The following WDFY4 variants were observed in gnomAD, a reference collection of about 807,000 sequenced individuals.
WDFY4 encodes WDFY family member 4, also known as WD repeat- and FYVE domain-containing protein 4.
A neutral mutation model predicts 351.9 loss-of-function variants in WDFY4; 169 were observed. That is an observed-to-expected ratio of 0.48 (90% CI 0.42 to 0.55). The LOEUF is 0.55. Ranked by LOEUF, WDFY4 falls within the 20% of genes least tolerant of loss-of-function variation. The pLI is 0.00. For synonymous variants in WDFY4, 1,622 were observed against 1,574.6 expected (o/e 1.03, Z -0.71); for missense variants, 3,803 against 3,935.6 (o/e 0.97, Z 0.90).
rs1442774982 is a variant in WDFY4, at chr10:48,733,973, A to AAC, written c.1626_1627dup (p.Leu543HisfsTer5). On this transcript the variant is annotated frameshift_variant, in exon 10 of 62. Coordinates refer to ENST00000325239, the MANE Select transcript of WDFY4 (RefSeq NM_001394531.1). LOFTEE classifies it high-confidence loss of function. ...CCTGGTGTTCAGGATCCAGAAAGAGAACTCACCTGTGTGATGCTGAGGATT... is the reference window on the plus strand; with the variant it reads ...CCTGGTGTTCAGGATCCAGAAAGAGAACACTCACCTGTGTGATGCTGAGGATT... 6.4e-7 allele frequency: 1 copy of AAC among 1,551,820 alleles called. No homozygotes were observed. The highest frequency in any genetic ancestry group is 2.4e-5 in the East Asian group (1 of 40,924).
chr10:48,702,978 C>T (rs1034708640), intron 1 of WDFY4, among the ~76,000 whole-genome samples: 4 of 152,112 alleles, frequency 2.6e-5, no homozygotes, highest in Non-Finnish European at 4.4e-5. Context: ...ATGCTGTTGT[C>T]CGTACTCAGT....
chr10:48,690,897 G>A (rs1265019405), intron 1 of WDFY4, among the ~76,000 whole-genome samples: 1 of 152,198 alleles, frequency 6.6e-6, no homozygotes. Context: ...ACTCTGGTTT[G>A]TGGGTCTGGT....
chr10:48,962,615 G>A (rs1841911282), intron 53 of WDFY4, among the ~76,000 whole-genome samples: 1 of 152,176 alleles, frequency 6.6e-6, no homozygotes, highest in Non-Finnish European at 1.5e-5. Context: ...TGGGCTCTAT[G>A]CATGAAAGAT....
chr10:48,882,135 C>T (rs566341679), intron 43 of WDFY4, among the ~76,000 whole-genome samples: 41 of 152,280 alleles, frequency 2.7e-4, no homozygotes, highest in African/African-American at 9.9e-4. Flanking sequence ...GCAGCCAGGC[C>T]TGGGTCTGCT....
Position 48,729,573 on chromosome 10 carries a change from CCATCATGAGGCATCTGG to C in WDFY4, c.1114_1129+1del. 6.4e-7 allele frequency: 1 copy of C among 1,551,680 alleles called. No homozygotes were observed. Among genetic ancestry groups the C allele is most frequent in the East Asian group, 2.4e-5 (1 of 40,930 alleles). ...ACCCTCAGCTTGAAGGCTTCAAGTT[CCATCATGAGGCATCTGG>C]TGAGTCTTTCCTGTGTCTGGGTGAC... On this transcript the variant is annotated splice_donor_variant and coding_sequence_variant, in exon 8 of 62. Coordinates refer to ENST00000325239, the MANE Select transcript of WDFY4 (RefSeq NM_001394531.1). LOFTEE classifies it high-confidence loss of function.
chr10:48,838,521 A>G lies in WDFY4; in HGVS notation c.6663+5812A>G, dbSNP rs1470420080. ...GCTGAGGTCCTCGGTGAGGGAAATG[A>G]TGTTTTTGACTATCCCCTCTGAGCA... is the stretch of plus-strand genomic sequence containing the variant. On this transcript the variant is annotated intron_variant, in intron 39 of 61. Coordinates refer to ENST00000325239, the MANE Select transcript of WDFY4 (RefSeq NM_001394531.1). 3.9e-5 allele frequency among the ~76,000 whole-genome samples: 6 copies of G among 152,118 alleles called. No homozygotes were observed. The South Asian group carries it at 1.2e-3, about 32-fold the overall frequency.
chr10:48,745,133 T>C (rs1033391435), intron 12 of WDFY4, among the ~76,000 whole-genome samples: 1 of 152,254 alleles, frequency 6.6e-6, no homozygotes, highest in Non-Finnish European at 1.5e-5. Context: ...GTAAGTTTTA[T>C]TTTCAGTATC....
chr10:48,722,715 C>T (rs76519098), intron 4 of WDFY4, among the ~76,000 whole-genome samples: 3,232 of 152,286 alleles, frequency 0.021, 76 homozygotes, highest in African/African-American at 0.057. Flanking sequence ...CACACACGTG[C>T]GTGCGCACAC....
intron 43 of WDFY4, among the ~76,000 whole-genome samples, chr10:48,890,207 T>C (rs1460251302): frequency 3.3e-5 from 5 of 152,254 alleles, no homozygotes; most frequent in Non-Finnish European, 7.3e-5. Flanking sequence ...CCTCTGTAAC[T>C]GAGCGATGTC....
At chr10:48,969,286 C>T in intron 56 of WDFY4, 38 bp downstream of exon 56, 1 of 1,543,454 alleles carries the variant, frequency 6.5e-7, no homozygotes, top group Non-Finnish European at 8.7e-7. Context: ...GCCTCAGGAC[C>T]TCAGCCTTCC....
intron 14 of WDFY4, 27 bp from the exon 15 acceptor site, chr10:48,775,685 T>G: frequency 5.2e-6 from 8 of 1,543,552 alleles, no homozygotes; most frequent in Non-Finnish European, 7.0e-6. Context: ...AATGTCTTCA[T>G]TTTTTCCTCT....
chr10:48,787,889 TTCTCCTTCTTC>T lies in WDFY4; in HGVS notation c.3809-639_3809-629del, dbSNP rs1565198341. The stretch of plus-strand genomic sequence containing the variant: ...CTTCTTTCTTCTTTCTTTCTTCTTC[TTCTCCTTCTTC>T]TTCTTCTTCTTCTTCTTCTTCTTCT... On this transcript the variant is annotated intron_variant, in intron 20 of 61. Transcript: ENST00000325239. Among the ~76,000 whole-genome samples the T allele has an allele frequency of 5.1e-5, 4 of 79,046 alleles. 1 individual carries two copies. Among genetic ancestry groups the T allele is most frequent in the East Asian group, 5.5e-4 (1 of 1,804 alleles). 51.9% of individuals were successfully genotyped at this position (79,046 alleles called of 152,430 possible). A position where few individuals can be genotyped will look rare whatever the true frequency, so the allele number is the denominator to read the frequency against.
At position 48,731,676 on chromosome 10, in the gene WDFY4, CTGGGAAGGT is replaced by C. The variant is rs2064465279; in HGVS notation, c.1582+115_1582+123del. 97 of 1,234,378 alleles carry C rather than the reference CTGGGAAGGT, an allele frequency of 7.9e-5. 3 individuals carry two copies. The South Asian group carries it at 1.5e-3, about 19-fold the overall frequency. 76.5% of individuals were successfully genotyped at this position (1,234,378 alleles called of 1,614,324 possible). ...ACAGAAAGTGAGCATGCCCATGTCA[CTGGGAAGGT>C]ATGCTTGGGACACACAGTTTCACAA... On this transcript the variant is annotated intron_variant, in intron 9 of 61. Coordinates refer to ENST00000325239, the MANE Select transcript of WDFY4 (RefSeq NM_001394531.1).
intron 12 of WDFY4, among the ~76,000 whole-genome samples, chr10:48,753,450 G>A (rs758706363): frequency 6.6e-6 from 1 of 152,044 alleles, no homozygotes; most frequent in African/African-American, 2.4e-5. Flanking sequence ...CCAAATCCAA[G>A]GTCATAAAGA....
chr10:48,824,934 C>T (rs2067945133), intron 35 of WDFY4, among the ~76,000 whole-genome samples: 2 of 152,196 alleles, frequency 1.3e-5, no homozygotes, highest in African/African-American at 4.8e-5. Flanking sequence ...ATGTGAGCCA[C>T]CATACCCAGC....
chr10:48,850,109 C>T (rs1392445622), intron 39 of WDFY4, among the ~76,000 whole-genome samples: 7 of 152,168 alleles, frequency 4.6e-5, no homozygotes. Flanking sequence ...GTCATCACTG[C>T]TGATGTTAAC....
At position 48,873,486 on chromosome 10, in the gene WDFY4, C is replaced by T. The variant is rs1489311904; in HGVS notation, c.6742-5C>T. 1 of 1,545,398 alleles carries T rather than the reference C, an allele frequency of 6.5e-7. No homozygotes were observed. The highest frequency in any genetic ancestry group is 8.7e-7 in the Non-Finnish European group (1 of 1,144,012). On this transcript the variant is annotated splice_polypyrimidine_tract_variant and splice_region_variant and intron_variant, in intron 40 of 61. Transcript: ENST00000325239. ...ATCCAGGGTGACTCTGTTTCTGCTC[C>T]CCAGAGGCGAAAATGTGGCAACATC...
At chr10:48,981,342 C>G in intron 60 of WDFY4, 25 bp from the exon 61 acceptor site, 4 of 1,549,810 alleles carry the variant, frequency 2.6e-6, no homozygotes, top group Non-Finnish European at 3.5e-6. Flanking sequence ...GGCGTTCTAA[C>G]TCTTCTCTCA....
At chr10:48,823,608 A>G (rs772465090) in intron 35 of WDFY4, 5 of 1,035,546 alleles carry the variant, frequency 4.8e-6, no homozygotes, top group Non-Finnish European at 4.7e-6. Flanking sequence ...GAGGAGAAAT[A>G]GCCCTTGTCA....
Sources: allele counts gnomAD v4.1 joint callset (sites outside exome capture counted in the v4.1 genomes callset), GRCh38; gene constraint gnomAD v4.1.1; transcripts MANE v1.5; gene names NCBI Gene and HGNC (gene_info 2026-07-23, HGNC 2026-07-21).